The following MUSK variants were observed in gnomAD, a reference collection of about 807,000 sequenced individuals.
MUSK encodes the protein muscle, skeletal receptor tyrosine-protein kinase.
A neutral mutation model predicts 88.7 loss-of-function variants in MUSK; 55 were observed. The observed-to-expected ratio is 0.62, with a 90% CI of 0.50 to 0.78. The LOEUF is 0.78. MUSK is among the 30% of genes least tolerant of loss of function. The pLI, the probability that MUSK is intolerant of heterozygous loss-of-function variation, is 0.00. For missense variants in MUSK, 1,015 were observed against 1,074.3 expected (o/e 0.94, Z 0.77); for synonymous variants, 387 against 391.9 (o/e 0.99, Z 0.15).
At chr9:110,728,837 A>G (rs2076923911) in intron 5 of MUSK, 13 of 709,748 alleles carry the variant, frequency 1.8e-5, no homozygotes, top group Non-Finnish European at 2.8e-5. Flanking sequence ...CAAACAATGT[A>G]TGGGGAATAT....
chr9:110,686,944 T>C (rs1225144590), intron 2 of MUSK, among the ~76,000 whole-genome samples, 173 bp from the exon 3 acceptor site: 1 of 152,202 alleles, frequency 6.6e-6, no homozygotes, highest in Non-Finnish European at 1.5e-5. Flanking sequence ...GATGAGAATA[T>C]AATGTTAGCT....
chr9:110,717,412 T>G (rs2076757872), intron 5 of MUSK, among the ~76,000 whole-genome samples: 2 of 149,988 alleles, frequency 1.3e-5, no homozygotes, highest in Admixed American at 1.3e-4. Flanking sequence ...CTTATCATTC[T>G]TTAAAATCTT....
chr9:110,730,453 T>C (rs1057185756), intron 5 of MUSK, among the ~76,000 whole-genome samples: 5 of 152,098 alleles, frequency 3.3e-5, no homozygotes, highest in Non-Finnish European at 5.9e-5. Flanking sequence ...TATTCTTTTA[T>C]GCAGATAAAA....
chr9:110,731,106 G>A (rs900438965), intron 5 of MUSK, among the ~76,000 whole-genome samples: 7 of 151,916 alleles, frequency 4.6e-5, no homozygotes, highest in East Asian at 3.9e-4. Flanking sequence ...TTATTTATTC[G>A]TTCACTCAGC....
In MUSK at chr9:110,734,247, A is replaced by G. The variant is rs1160662357; in HGVS notation, c.629-4A>G. 2 of 1,610,274 alleles carry G rather than the reference A, an allele frequency of 1.2e-6. No homozygotes were observed. The highest frequency in any genetic ancestry group is 1.3e-5 in the African/African-American group (1 of 74,938). On this transcript the variant is annotated splice_polypyrimidine_tract_variant and splice_region_variant and intron_variant, in intron 5 of 14. Coordinates refer to ENST00000374448, the MANE Select transcript of MUSK (RefSeq NM_005592.4). The stretch of plus-strand genomic sequence containing the variant: ...GTCACTCACCACTTCTGTCTTCCTA[A>G]CAGTTTTTGCCAGGATCCTGCGGGC...
At chr9:110,786,292 C>T (rs1588039869) in intron 13 of MUSK, among the ~76,000 whole-genome samples, 2 of 128,998 alleles carry the variant, frequency 1.6e-5, no homozygotes, top group South Asian at 4.8e-4. Context: ...GCCTGGGTGA[C>T]AGAGCAAGAC....
chr9:110,684,578 A>C (rs539132910), intron 2 of MUSK, among the ~76,000 whole-genome samples: 8 of 152,024 alleles, frequency 5.3e-5, no homozygotes, highest in Non-Finnish European at 1.2e-4. Flanking sequence ...TAGTATGAAC[A>C]TTTTAATAAT....
intron 1 of MUSK, among the ~76,000 whole-genome samples, chr9:110,671,095 G>A (rs970106771): frequency 5.9e-5 from 9 of 151,898 alleles, no homozygotes; most frequent in Admixed American, 2.6e-4. Flanking sequence ...CCTCAGACTC[G>A]CAAATACCTG....
chr9:110,670,090 C>A (rs980271926), intron 1 of MUSK, among the ~76,000 whole-genome samples: 5 of 151,282 alleles, frequency 3.3e-5, no homozygotes, highest in African/African-American at 1.2e-4. Context: ...CACAAACAAT[C>A]TGATTTCACA....
intron 1 of MUSK, among the ~76,000 whole-genome samples, chr9:110,680,845 G>A (rs1168411235): frequency 7.0e-6 from 1 of 143,128 alleles, no homozygotes. Context: ...TCCTATCAGA[G>A]GTGTATTAGT....
intron 5 of MUSK, among the ~76,000 whole-genome samples, chr9:110,727,842 C>A (rs2076908002): frequency 6.6e-6 from 1 of 152,046 alleles, no homozygotes; most frequent in African/African-American, 2.4e-5. Context: ...TTTTTACTTA[C>A]AAATAAATAT....
At chr9:110,752,598 G>A (rs993169382) in intron 7 of MUSK, among the ~76,000 whole-genome samples, 8 of 152,180 alleles carry the variant, frequency 5.3e-5, no homozygotes, top group African/African-American at 1.9e-4. Flanking sequence ...AGTACCCCTA[G>A]TAGTCAACAG....
chr9:110,721,686 A>C (rs1344700921), intron 5 of MUSK, among the ~76,000 whole-genome samples: 3 of 152,154 alleles, frequency 2.0e-5, no homozygotes, highest in African/African-American at 7.2e-5. Flanking sequence ...TCTATAATTC[A>C]ATGCAATTCC....
intron 9 of MUSK, among the ~76,000 whole-genome samples, chr9:110,770,425 T>C (rs1193683270): frequency 1.4e-5 from 2 of 146,494 alleles, no homozygotes; most frequent in African/African-American, 2.5e-5. Flanking sequence ...ACTTATATAA[T>C]TGATATAATT....
rs79688299 is a variant in MUSK, at chr9:110,802,919, A to G, written c.*1931A>G. Among the ~76,000 whole-genome samples the G allele has an allele frequency of 5.0e-3, 756 of 152,328 alleles. 5 individuals carry two copies. The highest frequency in any genetic ancestry group is 0.017 in the Middle Eastern group (5 of 294). Reference sequence around the variant, plus strand: ...GTCTAAGTCCAAAATTGATACTGTAATCCAAATGACTGAATAAAGAATAAA... The same window carrying G: ...GTCTAAGTCCAAAATTGATACTGTAGTCCAAATGACTGAATAAAGAATAAA... On this transcript the variant is annotated 3_prime_UTR_variant, in exon 15 of 15. Coordinates refer to ENST00000374448, the MANE Select transcript of MUSK (RefSeq NM_005592.4).
chr9:110,711,108 G>T (rs1374953628), intron 5 of MUSK, among the ~76,000 whole-genome samples: 1 of 152,138 alleles, frequency 6.6e-6, no homozygotes, highest in Non-Finnish European at 1.5e-5. Flanking sequence ...GTGGGGTCGG[G>T]GGAGAGGGGA....
intron 5 of MUSK, among the ~76,000 whole-genome samples, chr9:110,709,969 A>AC (rs11452265): frequency 0.18 from 27,161 of 151,752 alleles, 3,234 homozygotes; most frequent in East Asian, 0.51. Context: ...ACATAGTGAG[A>AC]CCCCCCTCTC....
At position 110,736,938 on chromosome 9, in the gene MUSK, A is replaced by G. The variant is rs993380474; in HGVS notation, c.753+2563A>G. Among the ~76,000 whole-genome samples, 4 of 152,074 alleles carry G rather than the reference A, an allele frequency of 2.6e-5. No individual in the cohort carries two copies. In the East Asian group the frequency reaches 7.7e-4, roughly 29 times the overall value. On this transcript the variant is annotated intron_variant, in intron 6 of 14. Coordinates refer to ENST00000374448, the MANE Select transcript of MUSK (RefSeq NM_005592.4). ...ACTATTTAACTTGTAGTTCACACTG[A>G]TAGCTCCCTGATATCTAGTTCTTTT...
chr9:110,787,885 C>T (rs771836171), intron 14 of MUSK, 47 bp downstream of exon 14: 6 of 1,569,584 alleles, frequency 3.8e-6, no homozygotes, highest in South Asian at 2.3e-5. Context: ...AAAACAGAGG[C>T]TTTCCAAGTT....
Sources: allele counts gnomAD v4.1 joint callset (sites outside exome capture counted in the v4.1 genomes callset), GRCh38; gene constraint gnomAD v4.1.1; transcripts MANE v1.5; gene names NCBI Gene and HGNC (gene_info 2026-07-23, HGNC 2026-07-21).